YES1: variants seen among roughly 807,000 people sequenced by gnomAD.
YES1 encodes tyrosine-protein kinase Yes.
YES1 carries 39 observed loss-of-function variants against 70.4 expected under a neutral mutation model. The ratio of observed to expected loss-of-function variants is 0.55; its 90% CI spans 0.43 to 0.72. The LOEUF (loss-of-function observed/expected upper bound fraction) is 0.72. Among genes scored for constraint, YES1 ranks in the 30% least tolerant of loss-of-function variants. YES1 has a pLI of 0.00. For synonymous variants in YES1, 198 were observed against 218.6 expected, an observed-to-expected ratio of 0.91 and a Z score of 0.83; for missense variants, 495 against 644.8, an observed-to-expected ratio of 0.77 and a Z score of 2.52.
At chr18:806,022 G>A (rs957012559) in intron 1 of YES1, among the ~76,000 whole-genome samples, 5 of 152,076 alleles carry the variant, frequency 3.3e-5, no homozygotes, top group Non-Finnish European at 7.4e-5. Context: ...TTCCTGTTCC[G>A]TCCTCACCCC....
chr18:804,204 T>C (rs1906967659), intron 1 of YES1, among the ~76,000 whole-genome samples: 3 of 152,246 alleles, frequency 2.0e-5, no homozygotes, highest in Non-Finnish European at 4.4e-5. Context: ...TGGCTATTTT[T>C]CTCATATAAT....
chr18:740,341 ACAT>A (rs997111518), intron 8 of YES1, among the ~76,000 whole-genome samples: 2 of 152,234 alleles, frequency 1.3e-5, no homozygotes, highest in South Asian at 2.1e-4. Flanking sequence ...TCAAGAGAAA[ACAT>A]CACACAAAAC....
chr18:733,354 T>C (rs1424818313), intron 10 of YES1, among the ~76,000 whole-genome samples: 1 of 152,252 alleles, frequency 6.6e-6, no homozygotes, highest in Non-Finnish European at 1.5e-5. Context: ...ATAATGTTTA[T>C]GGGTTTTCCT....
rs2079980358 is a variant in YES1 at position 723,199 on chromosome 18, C to T, written c.*1225G>A. 1 of 152,204 alleles carries T rather than the reference C, an allele frequency of 6.6e-6. No individual in the cohort carries two copies. Among genetic ancestry groups the T allele is most frequent in the African/African-American group, 2.4e-5 (1 of 41,442 alleles). The allele number at this position is 152,204 out of a possible 1,614,324, so 9.4% of individuals were successfully genotyped here. On this transcript the variant is annotated 3_prime_UTR_variant, in exon 12 of 12. Coordinates refer to ENST00000314574, the MANE Select transcript of YES1 (RefSeq NM_005433.4). ...ATATCCCACTGCAATGAATGTGAAG[C>T]CATAACTTCATTATTTTGAACAAAT... is the stretch of plus-strand genomic sequence containing the variant.
chr18:793,500 CTAATTTTT>C, intron 1 of YES1, among the ~76,000 whole-genome samples: 1 of 152,202 alleles, frequency 6.6e-6, no homozygotes, highest in Admixed American at 6.5e-5. Context: ...CTACACCCAA[CTAATTTTT>C]TAATTTTTTG....
intron 4 of YES1, 41 bp from the exon 5 acceptor site, chr18:746,092 T>A: frequency 6.9e-7 from 1 of 1,459,556 alleles, no homozygotes. Context: ...AAGTATGAGG[T>A]TCAGAAAAAT....
At position 732,745 on chromosome 18, in the gene YES1, G is replaced by T. The variant is rs987997282; in HGVS notation, c.1423+89C>A. On this transcript the variant is annotated intron_variant, in intron 11 of 11. Transcript: ENST00000314574. Reference sequence around the variant, plus strand: ...CAGGGGGACTATGAGAAGAAATAAAGGCCTTTTCCCCGCTTACAATTCTGT... The same window carrying T: ...CAGGGGGACTATGAGAAGAAATAAATGCCTTTTCCCCGCTTACAATTCTGT... The T allele has an allele frequency of 1.4e-5, 22 of 1,536,756 alleles. No homozygotes were observed. In the South Asian group the frequency reaches 2.5e-4, roughly 18 times the overall value.
chr18:785,101 G>T (rs763310037), intron 1 of YES1, among the ~76,000 whole-genome samples: 6 of 151,812 alleles, frequency 4.0e-5, no homozygotes, highest in Non-Finnish European at 8.8e-5. Context: ...TTGAATGTGA[G>T]GACTATTTTG....
At chr18:802,703 G>T (rs886668393) in intron 1 of YES1, among the ~76,000 whole-genome samples, 1 of 152,130 alleles carries the variant, frequency 6.6e-6, no homozygotes, top group East Asian at 1.9e-4. Context: ...GTCAGCCCTA[G>T]GTTTAAATCC....
intron 8 of YES1, among the ~76,000 whole-genome samples, chr18:742,368 C>T (rs967842626): frequency 7.9e-5 from 12 of 151,004 alleles, no homozygotes; most frequent in African/African-American, 2.7e-4. Flanking sequence ...CTGGTAATAC[C>T]AGCACTTTGG....
At chr18:733,104 G>A in intron 10 of YES1, 139 bp from the exon 11 acceptor site, 3 of 672,886 alleles carry the variant, frequency 4.5e-6, no homozygotes, top group African/African-American at 1.8e-5. Flanking sequence ...AAGATACATG[G>A]GATAAAAATT....
At chr18:752,680 C>T (rs759611102) in intron 2 of YES1, among the ~76,000 whole-genome samples, 4 of 152,136 alleles carry the variant, frequency 2.6e-5, no homozygotes, top group Non-Finnish European at 4.4e-5. Flanking sequence ...CAGTGGTTCA[C>T]GTCTGTAATC....
At chr18:809,224 G>A (rs1192478890) in intron 1 of YES1, among the ~76,000 whole-genome samples, 2 of 151,954 alleles carry the variant, frequency 1.3e-5, no homozygotes, top group East Asian at 1.9e-4. Flanking sequence ...AAACAATTAA[G>A]TTATTAAAGA....
intron 1 of YES1, among the ~76,000 whole-genome samples, chr18:810,746 T>C (rs892485543): frequency 6.6e-6 from 1 of 152,322 alleles, no homozygotes; most frequent in Middle Eastern, 3.4e-3. Context: ...TTTCCTTACA[T>C]GTCAATTGTG....
At chr18:789,420 A>C (rs1906127254) in intron 1 of YES1, among the ~76,000 whole-genome samples, 1 of 152,130 alleles carries the variant, frequency 6.6e-6, no homozygotes, top group Non-Finnish European at 1.5e-5. Flanking sequence ...CTGTCTCTAC[A>C]GAAAATTTAA....
rs549618730 is a variant in YES1, at chr18:741,087, G to A, written c.1061-1276C>T. Reference sequence around the variant, plus strand: ...TGTTTTTTGTATTTTTAGCAGAGACGGGGTTTCGCTATGTTGGCCAGGCTG... The same window carrying A: ...TGTTTTTTGTATTTTTAGCAGAGACAGGGTTTCGCTATGTTGGCCAGGCTG... On this transcript the variant is annotated intron_variant, in intron 8 of 11. Coordinates refer to ENST00000314574, the MANE Select transcript of YES1 (RefSeq NM_005433.4). Among the ~76,000 whole-genome samples, 24 of 152,022 alleles carry A rather than the reference G, an allele frequency of 1.6e-4. 1 individual carries two copies. The highest frequency in any genetic ancestry group is 1.3e-3 in the South Asian group (6 of 4,800).
chr18:787,639 T>G lies in YES1; in HGVS notation c.-9+24475A>C, dbSNP rs866094896. Among the ~76,000 whole-genome samples, 81 of 151,866 alleles carry G rather than the reference T, an allele frequency of 5.3e-4. 1 individual carries two copies. The highest frequency in any genetic ancestry group is 1.5e-3 in the African/African-American group (62 of 41,454). On this transcript the variant is annotated intron_variant, in intron 1 of 11. Coordinates refer to ENST00000314574, the MANE Select transcript of YES1 (RefSeq NM_005433.4). ...GCAGAAGAATCACTTTAACCTGGGATGCGGAGGTTGCAGTGAGCTGAAATC... is the reference window on the plus strand; with the variant it reads ...GCAGAAGAATCACTTTAACCTGGGAGGCGGAGGTTGCAGTGAGCTGAAATC...
At chr18:727,228 C>T (rs62091705) in intron 11 of YES1, among the ~76,000 whole-genome samples, 19,824 of 152,040 alleles carry the variant, frequency 0.13, 1,419 homozygotes, top group East Asian at 0.28. Context: ...TATTATGAAA[C>T]GTCCCTTTTT....
At chr18:807,143 G>C (rs1444148857) in intron 1 of YES1, among the ~76,000 whole-genome samples, 1 of 151,986 alleles carries the variant, frequency 6.6e-6, no homozygotes, top group Non-Finnish European at 1.5e-5. Flanking sequence ...GCTCCAGTCT[G>C]GCCAACATGG....
Sources: gnomAD v4.1 joint callset for allele counts (sites outside exome capture counted in the v4.1 genomes callset) on GRCh38, gnomAD v4.1.1 for gene constraint, MANE v1.5 for transcripts, NCBI Gene and HGNC (gene_info 2026-07-23, HGNC 2026-07-21) for gene names.